The following BARX2 variants were observed in gnomAD, a reference collection of about 807,000 sequenced individuals.
BARX2 encodes the protein homeobox protein BarH-like 2.
In BARX2, 11 loss-of-function variants were observed where a neutral mutation model predicts 25.5. The ratio of observed to expected loss-of-function variants is 0.43; its 90% CI spans 0.27 to 0.71. The LOEUF (loss-of-function observed/expected upper bound fraction) is 0.71. Ranked by LOEUF, BARX2 falls within the 30% of genes least tolerant of loss-of-function variation. The pLI, the probability that BARX2 is intolerant of heterozygous loss-of-function variation, is 0.19. For missense variants in BARX2, 360 were observed against 359.9 expected (o/e 1.00, Z 0.00); for synonymous variants, 137 against 149.5 (o/e 0.92, Z 0.61).
At chr11:129,424,174 T>A (rs1469357835) in intron 1 of BARX2, among the ~76,000 whole-genome samples, 2 of 152,216 alleles carry the variant, frequency 1.3e-5, no homozygotes, top group Non-Finnish European at 1.5e-5. Context: ...AAATCTTTCT[T>A]CTTGGGAGAT....
rs867832755 is a variant in BARX2 at position 129,390,483 on chromosome 11, A to C, written c.187+14261A>C. ...CTGTGGATTCAGAAAAACAAAATGC[A>C]TATGTTTGTGTTCCAGTAGGAGGGG... On this transcript the variant is annotated intron_variant, in intron 1 of 3. Transcript: ENST00000281437. The surrounding 1 kb of genome is among the most constrained non-coding windows in gnomAD (Gnocchi z 4.3). 6.6e-6 allele frequency among the ~76,000 whole-genome samples: 1 copy of C among 152,044 alleles called. No individual in the cohort carries two copies. The highest frequency in any genetic ancestry group is 1.5e-5 in the Non-Finnish European group (1 of 68,012).
chr11:129,429,606 G>T (rs1862106883), intron 1 of BARX2, among the ~76,000 whole-genome samples: 1 of 151,916 alleles, frequency 6.6e-6, no homozygotes, highest in African/African-American at 2.4e-5. Context: ...AATAAAGGGG[G>T]GACTCGTTCT....
intron 1 of BARX2, among the ~76,000 whole-genome samples, chr11:129,418,335 C>G (rs763840549): frequency 6.6e-6 from 1 of 152,180 alleles, no homozygotes; most frequent in South Asian, 2.1e-4. Flanking sequence ...TGGCTTGGCT[C>G]AGTTCTTTGG....
At chr11:129,382,628 A>G (rs1449368566) in intron 1 of BARX2, among the ~76,000 whole-genome samples, 2 of 115,682 alleles carry the variant, frequency 1.7e-5, no homozygotes, top group South Asian at 2.8e-4. Context: ...CAGCTGGAAT[A>G]TGGTTAGAGG....
At chr11:129,385,526 A>G (rs1360813392) in intron 1 of BARX2, among the ~76,000 whole-genome samples, 1 of 152,218 alleles carries the variant, frequency 6.6e-6, no homozygotes, top group Admixed American at 6.5e-5. Context: ...CAATGTTGAG[A>G]AAAAAAGTTG....
At chr11:129,438,996 G>A (rs983547950) in intron 2 of BARX2, among the ~76,000 whole-genome samples, 2 of 152,178 alleles carry the variant, frequency 1.3e-5, no homozygotes, top group Non-Finnish European at 2.9e-5. Flanking sequence ...AAGTAGCCAG[G>A]ACATCTCCAG....
intron 1 of BARX2, among the ~76,000 whole-genome samples, chr11:129,387,303 G>C (rs993285928): frequency 2.0e-5 from 3 of 152,154 alleles, no homozygotes; most frequent in African/African-American, 7.2e-5. Context: ...ACATAAGTCA[G>C]AAAAAATGCG....
intron 1 of BARX2, among the ~76,000 whole-genome samples, chr11:129,425,420 T>C (rs543809562): frequency 3.9e-5 from 6 of 152,194 alleles, no homozygotes; most frequent in Admixed American, 3.9e-4. Flanking sequence ...TTGTGAAGCA[T>C]GGATGAAAGC....
chr11:129,397,752 G>A (rs1861736926), intron 1 of BARX2, among the ~76,000 whole-genome samples: 2 of 152,348 alleles, frequency 1.3e-5, no homozygotes, highest in South Asian at 4.1e-4. Context: ...GGGGGAAGGT[G>A]GGTGTGCTGA....
At chr11:129,440,077 C>T (rs561912917) in intron 2 of BARX2, among the ~76,000 whole-genome samples, 4 of 152,172 alleles carry the variant, frequency 2.6e-5, no homozygotes, top group Non-Finnish European at 4.4e-5. Context: ...AGATGTTCCT[C>T]GCCTCCCTAC....
At chr11:129,375,344 G>A (rs1861488705), upstream of BARX2, among the ~76,000 whole-genome samples, 2 of 152,198 alleles carry the variant, frequency 1.3e-5, no homozygotes, top group African/African-American at 4.8e-5. This position sits in a 1 kb window ranked among gnomAD's most constrained non-coding sequence, Gnocchi z 4.0. Flanking sequence ...CACTGGCTCT[G>A]TGGCCCGAAG....
At chr11:129,434,421 T>TAAAAAAAAAAAAA (rs56344103) in intron 1 of BARX2, among the ~76,000 whole-genome samples, 4 of 76,392 alleles carry the variant, frequency 5.2e-5, no homozygotes, top group Admixed American at 1.9e-4. Context: ...AAAAAGTAAG[T>TAAAAAAAAAAAAA]AAAAAAAAAA....
intron 1 of BARX2, among the ~76,000 whole-genome samples, chr11:129,415,281 T>A (rs1479958455): frequency 1.3e-5 from 2 of 152,194 alleles, no homozygotes; most frequent in Non-Finnish European, 2.9e-5. Context: ...TCTGGTGTTC[T>A]CTATGACTTC....
upstream of BARX2, among the ~76,000 whole-genome samples, chr11:129,375,587 C>T (rs914138627): frequency 1.3e-4 from 19 of 151,820 alleles, no homozygotes; most frequent in African/African-American, 4.6e-4. The surrounding 1 kb of genome is among the most constrained non-coding windows in gnomAD (Gnocchi z 4.0). Flanking sequence ...GAGCGCGTCC[C>T]GGGGGGGAGG....
chr11:129,441,517 C>T (rs1026861523), intron 2 of BARX2, among the ~76,000 whole-genome samples: 17 of 152,286 alleles, frequency 1.1e-4, no homozygotes, highest in African/African-American at 3.1e-4. Flanking sequence ...GGCGCCATCT[C>T]GGCTCACTGC....
intron 1 of BARX2, among the ~76,000 whole-genome samples, chr11:129,423,966 C>T (rs1451955478): frequency 1.3e-5 from 2 of 151,992 alleles, no homozygotes; most frequent in Non-Finnish European, 1.5e-5. Context: ...TCTCCTGCCT[C>T]AGCCTCCCGA....
chr11:129,445,505 G>C (rs1839039298), intron 3 of BARX2, among the ~76,000 whole-genome samples: 1 of 152,182 alleles, frequency 6.6e-6, no homozygotes, highest in African/African-American at 2.4e-5. Context: ...GGGTATCAAT[G>C]CCATGTAAAC....
intron 3 of BARX2, among the ~76,000 whole-genome samples, chr11:129,450,444 C>G (rs1250360664): frequency 3.9e-5 from 6 of 152,154 alleles, no homozygotes; most frequent in Non-Finnish European, 5.9e-5. Context: ...TTTTACAAAA[C>G]TATATGAATA....
At chr11:129,434,713 G>A (rs1862169649) in intron 1 of BARX2, among the ~76,000 whole-genome samples, 1 of 152,080 alleles carries the variant, frequency 6.6e-6, no homozygotes, top group Non-Finnish European at 1.5e-5. Flanking sequence ...ATCTTTGTAC[G>A]CATAGACCTC....
Sources: allele counts gnomAD v4.1 joint callset (sites outside exome capture counted in the v4.1 genomes callset), GRCh38; gene constraint gnomAD v4.1.1; non-coding constraint Gnocchi (gnomAD v3.1); transcripts MANE v1.5; gene names NCBI Gene and HGNC (gene_info 2026-07-23, HGNC 2026-07-21).